The following CTNND2 variants were observed in gnomAD, a reference collection of about 807,000 sequenced individuals.
CTNND2 encodes the protein catenin delta 2, also known as catenin delta-2.
A neutral mutation model predicts 144.4 loss-of-function variants in CTNND2; 22 were observed. That is an observed-to-expected ratio of 0.15 (90% CI 0.11 to 0.22). CTNND2 has a LOEUF of 0.22. CTNND2 is among the 10% of genes least tolerant of loss of function. The pLI is 1.00. For missense variants in CTNND2, 1,353 were observed against 1,618.8 expected, an observed-to-expected ratio of 0.84 and a Z score of 2.82; for synonymous variants, 751 against 695.6, an observed-to-expected ratio of 1.08 and a Z score of -1.25.
intron 18 of CTNND2, among the ~76,000 whole-genome samples, chr5:11,008,369 G>A (rs1425744572): frequency 1.3e-5 from 2 of 152,080 alleles, no homozygotes; most frequent in East Asian, 3.8e-4. Flanking sequence ...AGATTTGGGG[G>A]GTCACAGAGC....
At chr5:11,485,877 G>A (rs1581310229) in intron 3 of CTNND2, among the ~76,000 whole-genome samples, 1 of 152,040 alleles carries the variant, frequency 6.6e-6, no homozygotes, top group African/African-American at 2.4e-5. Context: ...GATGCAAAAG[G>A]CAAAAGTTAT....
chr5:11,801,822 G>A (rs993625350), intron 1 of CTNND2, among the ~76,000 whole-genome samples: 1 of 152,072 alleles, frequency 6.6e-6, no homozygotes, highest in Admixed American at 6.5e-5. Context: ...TAGCAAATGT[G>A]TATTTTACAG....
At chr5:11,279,221 CCATT>C (rs1185106294) in intron 9 of CTNND2, among the ~76,000 whole-genome samples, 2 of 152,104 alleles carry the variant, frequency 1.3e-5, no homozygotes, top group Non-Finnish European at 1.5e-5. Flanking sequence ...ACTGTGATGT[CCATT>C]CAAATACTTA....
intron 7 of CTNND2, among the ~76,000 whole-genome samples, chr5:11,382,504 G>A (rs938684999): frequency 5.9e-5 from 9 of 151,890 alleles, no homozygotes; most frequent in African/African-American, 2.2e-4. Flanking sequence ...AGGCTGAGGC[G>A]GGAGAATCAC....
intron 9 of CTNND2, among the ~76,000 whole-genome samples, chr5:11,262,748 T>G (rs1195579193): frequency 1.2e-5 from 1 of 83,300 alleles, no homozygotes; most frequent in African/African-American, 4.9e-5. Flanking sequence ...GGTGACAGAG[T>G]AAGACTCTGT....
intron 1 of CTNND2, among the ~76,000 whole-genome samples, chr5:11,737,677 C>T (rs1787767741): frequency 6.6e-6 from 1 of 152,104 alleles, no homozygotes. Context: ...AGCCTTAATC[C>T]CTATGTGACT....
intron 5 of CTNND2, among the ~76,000 whole-genome samples, chr5:11,401,863 C>T (rs867806017): frequency 2.0e-5 from 3 of 152,120 alleles, no homozygotes; most frequent in South Asian, 2.1e-4. Flanking sequence ...CAAATTTGAA[C>T]ACCTAAGGAG....
At chr5:11,752,622 G>A (rs4702819) in intron 1 of CTNND2, among the ~76,000 whole-genome samples, 132,583 of 151,400 alleles carry the variant, frequency 0.88, 60,252 homozygotes, top group Non-Finnish European at 0.99. Context: ...CAGGTAGTGC[G>A]ATGCCTCCAG....
At chr5:11,377,340 C>A (rs1042212607) in intron 7 of CTNND2, among the ~76,000 whole-genome samples, 11 of 152,112 alleles carry the variant, frequency 7.2e-5, no homozygotes, top group African/African-American at 2.7e-4. Context: ...CAGGTGTGAG[C>A]CACTGGGCCC....
At chr5:11,527,163 T>G (rs1773327264) in intron 3 of CTNND2, among the ~76,000 whole-genome samples, 9 of 152,140 alleles carry the variant, frequency 5.9e-5, no homozygotes, top group Admixed American at 5.9e-4. Context: ...TGCACACTAT[T>G]GTAAATATAC....
chr5:11,246,446 C>T (rs970260062), intron 9 of CTNND2, among the ~76,000 whole-genome samples: 13 of 152,014 alleles, frequency 8.6e-5, no homozygotes, highest in Non-Finnish European at 4.4e-5. Flanking sequence ...AAGAGGAAGG[C>T]AGGGGCTGGA....
chr5:11,374,580 C>T (rs2149785852), intron 7 of CTNND2, among the ~76,000 whole-genome samples: 1 of 152,170 alleles, frequency 6.6e-6, no homozygotes, highest in South Asian at 2.1e-4. Context: ...GGCATATTCA[C>T]ACAGATACTC....
At chr5:11,824,203 C>T (rs1793482054) in intron 1 of CTNND2, among the ~76,000 whole-genome samples, 1 of 151,942 alleles carries the variant, frequency 6.6e-6, no homozygotes, top group Non-Finnish European at 1.5e-5. Flanking sequence ...CAGTATCCAT[C>T]CAGGCTTAAA....
chr5:11,384,429 G>C lies in CTNND2; in HGVS notation c.1177+236C>G. On this transcript the variant is annotated intron_variant, in intron 7 of 21. Transcript: ENST00000304623. The surrounding 1 kb of genome is among the most constrained non-coding windows in gnomAD (Gnocchi z 5.2). ...CAGAGAGAGAAGAGAGGAGAGAAGA[G>C]AGTGATATAGGTGTTAGAGATTGAG... 1 of 554,782 alleles carries C rather than the reference G, an allele frequency of 1.8e-6. No individual in the cohort carries two copies. Among genetic ancestry groups the C allele is most frequent in the Non-Finnish European group, 3.2e-6 (1 of 315,012 alleles). The allele number at this position is 554,782 out of a possible 1,614,324, so 34.4% of individuals were successfully genotyped here.
intron 5 of CTNND2, among the ~76,000 whole-genome samples, chr5:11,400,882 C>T (rs1178118312): frequency 6.6e-6 from 1 of 152,220 alleles, no homozygotes; most frequent in African/African-American, 2.4e-5. Flanking sequence ...TATCTTCTGT[C>T]TCCAAGTCCA....
Position 10,988,135 on chromosome 5 carries a change from T to G in CTNND2, c.3319A>C (p.Thr1107Pro), listed in dbSNP as rs770881847. Reference protein sequence around the residue: ...ATYHGAKGEHTSRKDAMTAQN... With the variant: ...ATYHGAKGEHPSRKDAMTAQN... The stretch of plus-strand genomic sequence containing the variant: ...CCTGTCATGGCATCTTTCCTGGAAG[T>G]GTGTTCGCCTTTAGCTCCGTGGTAG... The change falls in exon 20 of 22, where the codon ACT becomes CCT. Residue 1107 changes from threonine (T) to proline (P), a missense_variant. This residue lies in a region of CTNND2 where 459 missense variants were observed against 674.3 expected (regional missense o/e 0.68). Coordinates refer to ENST00000304623, the MANE Select transcript of CTNND2 (RefSeq NM_001332.4). This position sits in a 1 kb window ranked among gnomAD's most constrained non-coding sequence, Gnocchi z 5.9. 5 of 1,614,036 alleles carry G rather than the reference T, an allele frequency of 3.1e-6. No individual in the cohort carries two copies. The South Asian group carries it at 3.3e-5, about 11-fold the overall frequency.
At chr5:11,455,573 T>C (rs1199533849) in intron 3 of CTNND2, among the ~76,000 whole-genome samples, 1 of 152,246 alleles carries the variant, frequency 6.6e-6, no homozygotes, top group Non-Finnish European at 1.5e-5. Context: ...TGACCTTTTA[T>C]GTCTCTTTTC....
chr5:11,294,659 G>A (rs1748711768), intron 9 of CTNND2, among the ~76,000 whole-genome samples: 1 of 152,156 alleles, frequency 6.6e-6, no homozygotes, highest in African/African-American at 2.4e-5. Context: ...TCATCCCTGG[G>A]ATGCAAGGCT....
intron 2 of CTNND2, among the ~76,000 whole-genome samples, chr5:11,594,832 T>C (rs1256775445): frequency 6.6e-6 from 1 of 152,204 alleles, no homozygotes; most frequent in African/African-American, 2.4e-5. Flanking sequence ...GGTAGTGATT[T>C]ACAAATAAGT....
Sources: gnomAD v4.1 joint callset for allele counts (sites outside exome capture counted in the v4.1 genomes callset) on GRCh38, gnomAD v4.1.1 for gene constraint, gnomAD v4.1.1 regional missense constraint, Gnocchi (gnomAD v3.1) non-coding constraint, MANE v1.5 for transcripts, NCBI Gene and HGNC (gene_info 2026-07-23, HGNC 2026-07-21) for gene names.